The following ZNF254 variants were observed in gnomAD, a reference collection of about 807,000 sequenced individuals.
The protein encoded by ZNF254 is CTD-2017D11.1.
In ZNF254, 10 loss-of-function variants were observed where a neutral mutation model predicts 12.4. The observed-to-expected ratio is 0.80, with a 90% CI of 0.50 to 1.36. The LOEUF is 1.36. Among genes scored for constraint, ZNF254 ranks in the 40% most tolerant of loss-of-function variants. The probability of loss-of-function intolerance (pLI) is 0.00; values close to 1 mark genes in which losing one functional copy is unlikely to be tolerated. For synonymous variants in ZNF254, 305 were observed against 253.4 expected, an observed-to-expected ratio of 1.20 and a Z score of -1.93; for missense variants, 996 against 763.9, an observed-to-expected ratio of 1.30 and a Z score of -3.58.
chr19:24,099,394 A>G (rs1002929312), intron 1 of ZNF254, among the ~76,000 whole-genome samples: 2 of 152,196 alleles, frequency 1.3e-5, no homozygotes, highest in African/African-American at 2.4e-5. Flanking sequence ...GCCCTGCGCT[A>G]TGGGCTGTAT....
At chr19:24,062,087 C>CAAAAAAAAAAAA (rs72097158) in intron 2 of ZNF254, among the ~76,000 whole-genome samples, 2 of 115,066 alleles carry the variant, frequency 1.7e-5, no homozygotes, top group African/African-American at 3.2e-5. Context: ...CTCTGTCTCA[C>CAAAAAAAAAAAA]AAAAAAAAAA....
intron 1 of ZNF254, among the ~76,000 whole-genome samples, chr19:24,095,537 CTATT>C (rs1171457941): frequency 1.3e-5 from 2 of 152,114 alleles, no homozygotes; most frequent in African/African-American, 2.4e-5. Context: ...GGTTGGTAGG[CTATT>C]TATTACTAAT....
chr19:24,112,970 G>A (rs557306077), intron 3 of ZNF254, among the ~76,000 whole-genome samples: 2 of 152,224 alleles, frequency 1.3e-5, no homozygotes, highest in African/African-American at 2.4e-5. Flanking sequence ...ACTCTCCCAA[G>A]AGTAAACCAG....
At chr19:24,065,260 T>A (rs1172263460) in intron 2 of ZNF254, among the ~76,000 whole-genome samples, 1 of 152,200 alleles carries the variant, frequency 6.6e-6, no homozygotes, top group African/African-American at 2.4e-5. Context: ...TTTTCTGGGC[T>A]TTGCCTACAG....
At position 24,038,749 on chromosome 19, in the gene ZNF254, G is replaced by A. The variant is rs1277968846; in HGVS notation, c.-190+5128G>A. ...TCTGCAGGCAGAATGGCCTTTCTTC[G>A]TATTTGGGATCTGCAATCATTAATA... On this transcript the variant is annotated intron_variant, in intron 1 of 4. Coordinates refer to the ZNF254 transcript ENST00000613065. Among the ~76,000 whole-genome samples the A allele has an allele frequency of 4.6e-5, 7 of 152,138 alleles. 1 individual carries two copies. The highest frequency in any genetic ancestry group is 1.7e-4 in the African/African-American group (7 of 41,428).
At chr19:24,074,559 T>C (rs993685234) in intron 2 of ZNF254, among the ~76,000 whole-genome samples, 1 of 152,146 alleles carries the variant, frequency 6.6e-6, no homozygotes, top group African/African-American at 2.4e-5. Context: ...GCGTGACTTA[T>C]CCCTGGGATA....
Position 24,129,417 on chromosome 19 carries a change from G to T in ZNF254, c.*1437G>T, listed in dbSNP as rs566031656. The T allele has an allele frequency of 3.7e-4, 57 of 152,132 alleles. No homozygotes were observed. The highest frequency in any genetic ancestry group is 1.3e-3 in the African/African-American group (55 of 41,538). 9.4% of individuals were successfully genotyped at this position (152,132 alleles called of 1,614,324 possible). ...CCCTTACTCAAGGATGTAGGTAAAAGATGGTAACAATACACTATTTGGTAA... is the reference window on the plus strand; with the variant it reads ...CCCTTACTCAAGGATGTAGGTAAAATATGGTAACAATACACTATTTGGTAA... On this transcript the variant is annotated 3_prime_UTR_variant, in exon 4 of 4. Transcript: ENST00000357002.
At chr19:24,077,694 A>G (rs1971706902) in intron 2 of ZNF254, among the ~76,000 whole-genome samples, 1 of 152,106 alleles carries the variant, frequency 6.6e-6, no homozygotes, top group African/African-American at 2.4e-5. Context: ...AGGGTGACCC[A>G]AGGTGGCCAT....
chr19:24,035,367 T>G (rs979737530), intron 1 of ZNF254, among the ~76,000 whole-genome samples: 19 of 152,256 alleles, frequency 1.2e-4, no homozygotes, highest in Admixed American at 1.2e-3. Flanking sequence ...TTCACCATGT[T>G]GGCCAGGCTG....
chr19:24,039,350 A>G (rs75877156), intron 1 of ZNF254, among the ~76,000 whole-genome samples: 2 of 152,374 alleles, frequency 1.3e-5, no homozygotes, highest in East Asian at 3.9e-4. Context: ...GTCCAGAGCC[A>G]TGAATGCATG....
intron 1 of ZNF254, chr19:24,105,666 A>G (rs1568459551): frequency 6.5e-6 from 2 of 308,336 alleles, no homozygotes; most frequent in South Asian, 6.4e-5. Context: ...GTAGCACTCA[A>G]AAATGTATGT....
At chr19:24,108,385 AGTT>A (rs1973465566) in intron 3 of ZNF254, among the ~76,000 whole-genome samples, 1 of 152,232 alleles carries the variant, frequency 6.6e-6, no homozygotes, top group African/African-American at 2.4e-5. Flanking sequence ...CAAAAACAGT[AGTT>A]CTGTAGTTTG....
intron 1 of ZNF254, among the ~76,000 whole-genome samples, chr19:24,089,973 G>A (rs187592142): frequency 2.4e-3 from 354 of 150,250 alleles, no homozygotes; most frequent in African/African-American, 8.4e-3. Flanking sequence ...GGTGGATCAC[G>A]AAGTCAGGAG....
intron 2 of ZNF254, among the ~76,000 whole-genome samples, chr19:24,067,078 A>C (rs981663826): frequency 6.6e-5 from 10 of 152,000 alleles, no homozygotes; most frequent in Admixed American, 2.0e-4. Context: ...AAGATTGTGA[A>C]ATATTACTGA....
chr19:24,096,109 G>A (rs1972657522), intron 1 of ZNF254, among the ~76,000 whole-genome samples: 1 of 146,180 alleles, frequency 6.8e-6, no homozygotes, highest in Admixed American at 6.9e-5. Flanking sequence ...TGTCCAGGCT[G>A]AATGCAATGG....
intron 2 of ZNF254, among the ~76,000 whole-genome samples, chr19:24,081,143 G>A (rs1184247213): frequency 6.6e-6 from 1 of 151,774 alleles, no homozygotes; most frequent in Non-Finnish European, 1.5e-5. Flanking sequence ...CCATTATAAT[G>A]GGTCTGTTTC....
chr19:24,118,483 G>T (rs1367610749), intron 3 of ZNF254, among the ~76,000 whole-genome samples: 2 of 151,930 alleles, frequency 1.3e-5, no homozygotes, highest in Admixed American at 6.6e-5. Context: ...AATTTTTTGT[G>T]TCCTTTCAAA....
chr19:24,046,791 G>T (rs1001619863), intron 2 of ZNF254, among the ~76,000 whole-genome samples: 1 of 151,930 alleles, frequency 6.6e-6, no homozygotes, highest in Non-Finnish European at 1.5e-5. Context: ...CCTCCTGGAG[G>T]CTTCACCCAG....
chr19:24,035,169 G>A (rs940847726), intron 1 of ZNF254, among the ~76,000 whole-genome samples: 2 of 151,654 alleles, frequency 1.3e-5, no homozygotes, highest in Non-Finnish European at 2.9e-5. Context: ...TTTTGTTGTT[G>A]TTTGTTTTTT....
Sources: allele counts gnomAD v4.1 joint callset (sites outside exome capture counted in the v4.1 genomes callset), GRCh38; gene constraint gnomAD v4.1.1; transcripts MANE v1.5; gene names NCBI Gene and HGNC (gene_info 2026-07-23, HGNC 2026-07-21).